Variants in RUNX3 observed in about 807,000 individuals in gnomAD.
RUNX3 encodes RUNX family transcription factor 3, also known as runt-related transcription factor 3.
In RUNX3, 10 loss-of-function variants were observed where a neutral mutation model predicts 27.7. The observed-to-expected ratio is 0.36, with a 90% CI of 0.22 to 0.61. The LOEUF (loss-of-function observed/expected upper bound fraction) is 0.61, where lower values mean the gene tolerates loss of function less well. Among genes scored for constraint, RUNX3 ranks in the 20% least tolerant of loss-of-function variants. The pLI is 0.72. For missense variants in RUNX3, 469 were observed against 629.5 expected, an observed-to-expected ratio of 0.75 and a Z score of 2.73; for synonymous variants, 270 against 269.2, an observed-to-expected ratio of 1.00 and a Z score of -0.03.
intron 3 of RUNX3, among the ~76,000 whole-genome samples, chr1:24,918,335 CTAT>C (rs1248672677): frequency 6.6e-6 from 1 of 152,188 alleles, no homozygotes; most frequent in Non-Finnish European, 1.5e-5. Flanking sequence ...GCATTAGGTC[CTAT>C]TCAGGTACCC....
At chr1:24,911,986 A>C (rs1166576728) in intron 3 of RUNX3, among the ~76,000 whole-genome samples, 1 of 152,164 alleles carries the variant, frequency 6.6e-6, no homozygotes, top group Non-Finnish European at 1.5e-5. Flanking sequence ...GGGAGGGGAG[A>C]GGGGAGCCAA....
intron 2 of RUNX3, among the ~76,000 whole-genome samples, chr1:24,926,101 C>T (rs561660463): frequency 2.0e-4 from 30 of 152,288 alleles, no homozygotes; most frequent in African/African-American, 5.3e-4. Context: ...ACCTTCTGCC[C>T]GCCTCGCAAC....
At chr1:24,946,674 A>G (rs894635976) in intron 2 of RUNX3, among the ~76,000 whole-genome samples, 3 of 152,124 alleles carry the variant, frequency 2.0e-5, no homozygotes, top group Admixed American at 2.0e-4. Flanking sequence ...TCTTAGCTGC[A>G]TCCCTGGTTC....
rs1353314430 is a variant in RUNX3 at position 24,901,862 on chromosome 1, C to T, written c.*260G>A. On this transcript the variant is annotated 3_prime_UTR_variant, in exon 5 of 5. Coordinates refer to ENST00000308873, the MANE Select transcript of RUNX3 (RefSeq NM_004350.3). ...GGGGTGGCAGGAGGCTGATTCCCCA[C>T]AGAAGTATGGGATGAGACGGCCAGG... 6.3e-6 allele frequency: 3 copies of T among 472,684 alleles called. No individual in the cohort carries two copies. Among genetic ancestry groups the T allele is most frequent in the Non-Finnish European group, 1.1e-5 (3 of 266,346 alleles). The allele number at this position is 472,684 out of a possible 1,614,324, so 29.3% of individuals were successfully genotyped here.
intron 2 of RUNX3, among the ~76,000 whole-genome samples, chr1:24,920,859 AGTTTGGGGGTC>A (rs1640984994): frequency 6.6e-6 from 1 of 151,994 alleles, no homozygotes; most frequent in African/African-American, 2.4e-5. Flanking sequence ...TGTGTCTGGG[AGTTTGGGGGTC>A]TGGGTAAGAG....
intron 2 of RUNX3, among the ~76,000 whole-genome samples, chr1:24,922,782 C>CAAAAAAA (rs57671911): frequency 4.2e-4 from 9 of 21,548 alleles, no homozygotes; most frequent in Admixed American, 5.5e-4. Context: ...GCCCACAGGG[C>CAAAAAAA]AAAAAAAAAA....
At chr1:24,941,680 A>G (rs1178070126) in intron 2 of RUNX3, among the ~76,000 whole-genome samples, 1 of 152,154 alleles carries the variant, frequency 6.6e-6, no homozygotes, top group African/African-American at 2.4e-5. Context: ...GCGGATCCCA[A>G]GGGACCAGAG....
intron 2 of RUNX3, among the ~76,000 whole-genome samples, chr1:24,922,428 C>T (rs1180251897): frequency 6.6e-6 from 1 of 152,140 alleles, no homozygotes; most frequent in Non-Finnish European, 1.5e-5. Flanking sequence ...GCATCACTCT[C>T]AAGTACGAGC....
chr1:24,956,938 CTG>C (rs1274308829), intron 2 of RUNX3, among the ~76,000 whole-genome samples: 1 of 152,222 alleles, frequency 6.6e-6, no homozygotes, highest in Non-Finnish European at 1.5e-5. Context: ...ATCAGGCAGA[CTG>C]TGGACACTCA....
At chr1:24,925,121 C>G (rs1641074703) in intron 2 of RUNX3, among the ~76,000 whole-genome samples, 1 of 152,212 alleles carries the variant, frequency 6.6e-6, no homozygotes, top group South Asian at 2.1e-4. Flanking sequence ...TCTTAACTCC[C>G]AAAGTGTCCC....
chr1:24,964,649 AT>A (rs371659166), exon 2 of RUNX3: 92 of 1,498,076 alleles, frequency 6.1e-5, no homozygotes, highest in Admixed American at 1.6e-4. Context: ...CTGTTGTTTT[AT>A]TTTTTTTTCC....
chr1:24,918,563 T>G (rs756323041), intron 3 of RUNX3, among the ~76,000 whole-genome samples: 2 of 152,120 alleles, frequency 1.3e-5, no homozygotes, highest in Non-Finnish European at 2.9e-5. Flanking sequence ...TGGCTGGCTC[T>G]ATTTCATTCA....
At chr1:24,952,434 A>C (rs1287434910) in intron 2 of RUNX3, among the ~76,000 whole-genome samples, 1 of 152,260 alleles carries the variant, frequency 6.6e-6, no homozygotes, top group African/African-American at 2.4e-5. Flanking sequence ...CAAGTCCTGC[A>C]GCAAAACACC....
intron 1 of RUNX3, 195 bp downstream of exon 1, chr1:24,929,392 T>G (rs1462915423): frequency 1.4e-6 from 1 of 710,660 alleles, no homozygotes; most frequent in South Asian, 1.5e-5. Context: ...TAAAAGTCAT[T>G]CCTGCAGGGC....
At position 24,923,028 on chromosome 1, in the gene RUNX3, C is replaced by T. The variant is rs950047492; in HGVS notation, c.440-3684G>A. Among the ~76,000 whole-genome samples, 1 of 152,150 alleles carries T rather than the reference C, an allele frequency of 6.6e-6. No homozygotes were observed. The highest frequency in any genetic ancestry group is 1.5e-5 in the Non-Finnish European group (1 of 68,038). ...CGGCATCCGGCACAGAGTAGGTGCT[C>T]AACAACATTTGTTAAATAAATTAAG... On this transcript the variant is annotated intron_variant, in intron 2 of 4. Transcript: ENST00000308873. The surrounding 1 kb of genome is among the most constrained non-coding windows in gnomAD (Gnocchi z 5.9).
rs373133104 is a variant in RUNX3 at position 24,902,161 on chromosome 1, C to T, written c.1209G>A (p.Thr403=). 4.4e-5 allele frequency: 69 copies of T among 1,570,986 alleles called. No homozygotes were observed. Among genetic ancestry groups the T allele is most frequent in the East Asian group, 6.9e-5 (3 of 43,442 alleles). ...SHSNSPTALS[T]PGRMDEAVWR... ...ACACGGCCTCATCCATGCGGCCTGG[C>T]GTGCTCAGGGCCGTGGGTGAGTTGC... The change falls in exon 5 of 5, where the codon ACG becomes ACA. Residue 403 remains threonine (T), a synonymous_variant. Transcript: ENST00000308873. The surrounding 1 kb of genome is among the most constrained non-coding windows in gnomAD (Gnocchi z 9.2).
chr1:24,953,920 T>G (rs1462527053), intron 2 of RUNX3, among the ~76,000 whole-genome samples: 1 of 151,034 alleles, frequency 6.6e-6, no homozygotes, highest in African/African-American at 2.4e-5. Flanking sequence ...AATGTGTGGT[T>G]TTTTTTTTTG....
intron 2 of RUNX3, among the ~76,000 whole-genome samples, chr1:24,920,893 C>T (rs1640986032): frequency 6.6e-6 from 1 of 152,092 alleles, no homozygotes; most frequent in African/African-American, 2.4e-5. Flanking sequence ...CTCCTCTCAC[C>T]CTATTCTCTA....
rs904134300 is a variant in RUNX3, at chr1:24,923,573, G to A, written c.439+4001C>T. Among the ~76,000 whole-genome samples the A allele has an allele frequency of 1.3e-5, 2 of 152,134 alleles. No homozygotes were observed. Among genetic ancestry groups the A allele is most frequent in the African/African-American group, 2.4e-5 (1 of 41,414 alleles). On this transcript the variant is annotated intron_variant, in intron 2 of 4. Coordinates refer to ENST00000308873, the MANE Select transcript of RUNX3 (RefSeq NM_004350.3). The surrounding 1 kb of genome is among the most constrained non-coding windows in gnomAD (Gnocchi z 5.9). Reference sequence around the variant, plus strand: ...CTTTAGGGCTCCAGAAACTCCTCCAGGACCCATCATCAACCAGCCGGGGTG... The same window carrying A: ...CTTTAGGGCTCCAGAAACTCCTCCAAGACCCATCATCAACCAGCCGGGGTG...
Sources: gnomAD v4.1 joint callset for allele counts (sites outside exome capture counted in the v4.1 genomes callset) on GRCh38, gnomAD v4.1.1 for gene constraint, Gnocchi (gnomAD v3.1) non-coding constraint, MANE v1.5 for transcripts, NCBI Gene and HGNC (gene_info 2026-07-23, HGNC 2026-07-21) for gene names.